The following KIAA1217 variants were observed in gnomAD, a reference collection of about 807,000 sequenced individuals.
KIAA1217 encodes the protein sickle tail protein homolog.
In KIAA1217, 88 loss-of-function variants were observed where a neutral mutation model predicts 163.9. The ratio of observed to expected loss-of-function variants is 0.54; its 90% CI spans 0.45 to 0.64. KIAA1217 has a LOEUF of 0.64. KIAA1217 is among the 30% of genes least tolerant of loss of function. The pLI is 0.00. For missense variants in KIAA1217, 2,372 were observed against 2,475.0 expected (o/e 0.96, Z 0.88); for synonymous variants, 903 against 923.1 (o/e 0.98, Z 0.39).
intron 1 of KIAA1217, among the ~76,000 whole-genome samples, chr10:23,887,660 G>A (rs958571993): frequency 6.6e-6 from 1 of 151,638 alleles, no homozygotes; most frequent in Non-Finnish European, 1.5e-5. Flanking sequence ...GGGCTTTCGT[G>A]ACAATCCAGA....
intron 2 of KIAA1217, among the ~76,000 whole-genome samples, chr10:24,092,640 A>T (rs2061976579): frequency 6.6e-6 from 1 of 151,860 alleles, no homozygotes; most frequent in South Asian, 2.1e-4. Flanking sequence ...ATTAAATGAA[A>T]GAAACCTGGC....
intron 2 of KIAA1217, among the ~76,000 whole-genome samples, chr10:24,338,803 G>T (rs1043910670): frequency 9.2e-5 from 14 of 151,894 alleles, no homozygotes; most frequent in Admixed American, 6.6e-5. Flanking sequence ...AGACAGAATT[G>T]ATTATTATTA....
chr10:24,205,441 C>G (rs1331281795), upstream of KIAA1217, among the ~76,000 whole-genome samples: 1 of 151,600 alleles, frequency 6.6e-6, no homozygotes, highest in African/African-American at 2.4e-5. Flanking sequence ...CGCCATTGCA[C>G]TCCAGCCTGG....
intron 1 of KIAA1217, among the ~76,000 whole-genome samples, chr10:23,762,733 C>A (rs1233987490): frequency 6.6e-6 from 1 of 152,196 alleles, no homozygotes; most frequent in Non-Finnish European, 1.5e-5. Context: ...TCTCTCACCA[C>A]TCCTATTCAA....
intron 2 of KIAA1217, among the ~76,000 whole-genome samples, chr10:24,065,693 C>G (rs893681978): frequency 6.6e-6 from 1 of 151,972 alleles, no homozygotes; most frequent in Non-Finnish European, 1.5e-5. Context: ...TTCCTGGATA[C>G]CCTTGTTAAC....
At chr10:24,476,862 G>A (rs930983884) in intron 6 of KIAA1217, among the ~76,000 whole-genome samples, 13 of 150,960 alleles carry the variant, frequency 8.6e-5, no homozygotes, top group African/African-American at 3.2e-4. Context: ...CAAAGACACA[G>A]ACACACACAG....
At chr10:24,391,849 C>T (rs188793002) in intron 3 of KIAA1217, among the ~76,000 whole-genome samples, 218 of 152,330 alleles carry the variant, frequency 1.4e-3, no homozygotes, top group African/African-American at 4.9e-3. Context: ...ATTCCATTCT[C>T]TCTCTGCTAT....
At chr10:24,225,474 A>G (rs1186075898) in intron 2 of KIAA1217, among the ~76,000 whole-genome samples, 3 of 152,118 alleles carry the variant, frequency 2.0e-5, no homozygotes, top group Non-Finnish European at 4.4e-5. Flanking sequence ...AATTTTTTCC[A>G]TTGTTAAAGA....
intron 1 of KIAA1217, among the ~76,000 whole-genome samples, chr10:23,889,783 C>A (rs1436693501): frequency 1.3e-5 from 2 of 151,670 alleles, no homozygotes; most frequent in Non-Finnish European, 2.9e-5. Flanking sequence ...ATTTTTCCAT[C>A]CTTGTTTTGT....
intron 10 of KIAA1217, among the ~76,000 whole-genome samples, 192 bp downstream of exon 10, chr10:24,513,626 C>A (rs2069549101): frequency 1.3e-5 from 2 of 152,066 alleles, no homozygotes; most frequent in African/African-American, 4.8e-5. Context: ...CCAGGAAATT[C>A]AGTGGCCCTC....
At chr10:24,375,419 A>C (rs888418070) in intron 2 of KIAA1217, among the ~76,000 whole-genome samples, 2 of 152,198 alleles carry the variant, frequency 1.3e-5, no homozygotes, top group African/African-American at 4.8e-5. Flanking sequence ...AGAGTTTATT[A>C]ATTTTCCTTT....
intron 3 of KIAA1217, among the ~76,000 whole-genome samples, chr10:24,423,941 T>G (rs768226447): frequency 1.3e-5 from 2 of 152,178 alleles, no homozygotes; most frequent in African/African-American, 4.8e-5. Context: ...TACATTGTCC[T>G]CAAGTATCAG....
chr10:24,389,573 A>G (rs1309547599), intron 3 of KIAA1217, among the ~76,000 whole-genome samples: 3 of 152,060 alleles, frequency 2.0e-5, no homozygotes, highest in Non-Finnish European at 4.4e-5. Flanking sequence ...GAAAGAAAGA[A>G]AATACAACAA....
chr10:24,520,647 A>ATAT (rs1193579727), intron 11 of KIAA1217, among the ~76,000 whole-genome samples: 14 of 81,650 alleles, frequency 1.7e-4, no homozygotes, highest in African/African-American at 9.8e-4. Context: ...AAAAAAAAAA[A>ATAT]AAAAATATAT....
chr10:23,771,947 G>T (rs914162879), intron 1 of KIAA1217, among the ~76,000 whole-genome samples: 2 of 152,154 alleles, frequency 1.3e-5, no homozygotes, highest in African/African-American at 4.8e-5. Context: ...ATTCTATAAT[G>T]TAAAGCTTGG....
At chr10:24,001,621 G>A (rs1564601199) in intron 1 of KIAA1217, among the ~76,000 whole-genome samples, 1 of 152,162 alleles carries the variant, frequency 6.6e-6, no homozygotes, top group Non-Finnish European at 1.5e-5. Context: ...TATAGATGAG[G>A]AAACAGTCTT....
chr10:24,531,179 T>G (rs765143837), intron 14 of KIAA1217, among the ~76,000 whole-genome samples: 4 of 152,024 alleles, frequency 2.6e-5, no homozygotes, highest in Non-Finnish European at 5.9e-5. Flanking sequence ...CATTCCAGAG[T>G]GAGTGACAGT....
chr10:23,858,441 A>G (rs1468876081), intron 1 of KIAA1217, among the ~76,000 whole-genome samples: 3 of 152,058 alleles, frequency 2.0e-5, no homozygotes, highest in Non-Finnish European at 4.4e-5. Flanking sequence ...TGCTGTATAT[A>G]TATATATACA....
rs370895795 is a variant in KIAA1217 at position 23,813,332 on chromosome 10, G to A, written c.-321+118098G>A. Among the ~76,000 whole-genome samples, 428 of 151,830 alleles carry A rather than the reference G, an allele frequency of 2.8e-3. 2 individuals are homozygous for A. The highest frequency in any genetic ancestry group is 9.8e-3 in the African/African-American group (404 of 41,406). Reference sequence around the variant, plus strand: ...ATTATATATAAAATTCTCTTATAAGGTACCTGATTTGCAAAATAAATAATT... The same window carrying A: ...ATTATATATAAAATTCTCTTATAAGATACCTGATTTGCAAAATAAATAATT... On this transcript the variant is annotated intron_variant, in intron 1 of 18. Coordinates refer to the KIAA1217 transcript ENST00000376462.
Sources: gnomAD v4.1 joint callset for allele counts (sites outside exome capture counted in the v4.1 genomes callset) on GRCh38, gnomAD v4.1.1 for gene constraint, MANE v1.5 for transcripts, NCBI Gene and HGNC (gene_info 2026-07-23, HGNC 2026-07-21) for gene names.